MATCAP2: variants seen among roughly 807,000 people sequenced by gnomAD.
The protein encoded by MATCAP2 is putative tyrosine carboxypeptidase MATCAP2.
the MATCAP2 span, among the ~76,000 whole-genome samples, chr7:36,372,548 C>T: frequency 1.3e-5 from 2 of 152,110 alleles, no homozygotes; most frequent in Non-Finnish European, 2.9e-5. Context: ...AATAGAACAG[C>T]ACAAAAACCC....
At chr7:36,341,264 A>G in the MATCAP2 span, among the ~76,000 whole-genome samples, 13 of 152,128 alleles carry the variant, frequency 8.5e-5, no homozygotes, top group Non-Finnish European at 1.9e-4. Flanking sequence ...CCATTATATC[A>G]TCACTTATGT....
the MATCAP2 span, among the ~76,000 whole-genome samples, chr7:36,369,392 G>C: frequency 6.6e-6 from 1 of 152,164 alleles, no homozygotes; most frequent in Non-Finnish European, 1.5e-5. Context: ...TAACCATGCT[G>C]TTGGCTTCCT....
At chr7:36,340,882 A>G in the MATCAP2 span, among the ~76,000 whole-genome samples, 1 of 152,228 alleles carries the variant, frequency 6.6e-6, no homozygotes, top group Non-Finnish European at 1.5e-5. Context: ...ACTGCAGGCC[A>G]GATATTTTGA....
At chr7:36,331,151 T>C in the MATCAP2 span, 25 of 860,888 alleles carry the variant, frequency 2.9e-5, no homozygotes, top group Admixed American at 4.1e-4. Context: ...ACCCATTCCA[T>C]TTACTGTAGG....
the MATCAP2 span, among the ~76,000 whole-genome samples, chr7:36,385,616 C>T: frequency 1.3e-5 from 2 of 151,812 alleles, no homozygotes; most frequent in African/African-American, 4.8e-5. Flanking sequence ...GAGATCCTGT[C>T]TCTACAAAAA....
chr7:36,328,251 G>GGGGGGC, the MATCAP2 span, among the ~76,000 whole-genome samples: 6 of 104,290 alleles, frequency 5.8e-5, no homozygotes, highest in Admixed American at 9.2e-5. Context: ...GGGGGGGGGG[G>GGGGGGC]TCTTGCTATG....
chr7:36,373,072 T>A, the MATCAP2 span, among the ~76,000 whole-genome samples: 1 of 137,926 alleles, frequency 7.3e-6, no homozygotes, highest in Non-Finnish European at 1.5e-5. Flanking sequence ...GCCACTGCAC[T>A]CCAGCCTGGG....
chr7:36,360,850 A>G, the MATCAP2 span, among the ~76,000 whole-genome samples: 1 of 152,358 alleles, frequency 6.6e-6, no homozygotes, highest in African/African-American at 2.4e-5. Flanking sequence ...AAGCATAAAC[A>G]GACTTATTTG....
At chr7:36,371,232 C>T in the MATCAP2 span, among the ~76,000 whole-genome samples, 4 of 152,118 alleles carry the variant, frequency 2.6e-5, no homozygotes, top group African/African-American at 9.7e-5. Flanking sequence ...AAGCCTCAGC[C>T]TCCCAAGTAG....
At chr7:36,333,414 T>C in the MATCAP2 span, among the ~76,000 whole-genome samples, 2 of 152,178 alleles carry the variant, frequency 1.3e-5, no homozygotes. Context: ...TTTGAGGTAA[T>C]GAAAACATTC....
the MATCAP2 span, among the ~76,000 whole-genome samples, chr7:36,364,714 G>A: frequency 1.3e-5 from 2 of 152,144 alleles, no homozygotes; most frequent in African/African-American, 4.8e-5. Context: ...GGGGAGAGGA[G>A]GGCATGTTTT....
the MATCAP2 span, chr7:36,356,683 A>C: frequency 5.1e-6 from 3 of 590,012 alleles, no homozygotes; most frequent in African/African-American, 3.7e-5. Flanking sequence ...TTCCTGTCAC[A>C]AAGAGCCTAT....
the MATCAP2 span, among the ~76,000 whole-genome samples, chr7:36,359,148 A>G: frequency 6.6e-6 from 1 of 152,242 alleles, no homozygotes; most frequent in Non-Finnish European, 1.5e-5. Context: ...ACCTGAAAAT[A>G]TAACAGGAAA....
chr7:36,327,007 TATACAG>T, the MATCAP2 span: 1 of 1,130,352 alleles, frequency 8.8e-7, no homozygotes, highest in Admixed American at 2.6e-5. Flanking sequence ...TAAATGAAAG[TATACAG>T]ATCATTTGTC....
the MATCAP2 span, among the ~76,000 whole-genome samples, chr7:36,363,645 T>C: frequency 2.0e-5 from 3 of 152,342 alleles, no homozygotes; most frequent in South Asian, 2.1e-4. Flanking sequence ...GTTGACAACA[T>C]GGACTTTGGA....
chr7:36,327,077 A>G, the MATCAP2 span, among the ~76,000 whole-genome samples: 1 of 152,180 alleles, frequency 6.6e-6, no homozygotes, highest in Non-Finnish European at 1.5e-5. Flanking sequence ...CATTTTCTTC[A>G]CTGTGTTAAA....
chr7:36,385,642 G>A, the MATCAP2 span, among the ~76,000 whole-genome samples: 4 of 151,724 alleles, frequency 2.6e-5, no homozygotes, highest in African/African-American at 9.7e-5. Flanking sequence ...AAAAAGTAGC[G>A]GGTTGTGGTG....
At chr7:36,366,736 TTTCTCTCTTCCCTCCACAGG>T in the MATCAP2 span, 2 of 1,535,272 alleles carry the variant, frequency 1.3e-6, no homozygotes, top group South Asian at 2.4e-5. Context: ...AAGGGGCCGA[TTTCTCTCTTCCCTCCACAGG>T]TTTTTCGCGA....
chr7:36,328,295 G>C, the MATCAP2 span, among the ~76,000 whole-genome samples: 1 of 145,066 alleles, frequency 6.9e-6, no homozygotes, highest in Non-Finnish European at 1.5e-5. Flanking sequence ...CTAGTCTCAA[G>C]TGATCCTCTC....
Sources: allele counts gnomAD v4.1 joint callset (sites outside exome capture counted in the v4.1 genomes callset), GRCh38; gene constraint gnomAD v4.1.1; transcripts MANE v1.5; gene names NCBI Gene and HGNC (gene_info 2026-07-23, HGNC 2026-07-21).